Variants in LPP observed in about 807,000 individuals in gnomAD.
The protein encoded by LPP is LIM domain containing preferred translocation partner in lipoma, also known as lipoma-preferred partner.
In LPP, 38 loss-of-function variants were observed where a neutral mutation model predicts 60.4. The observed-to-expected ratio is 0.63, with a 90% confidence interval of 0.49 to 0.83. The LOEUF is 0.83. LPP is among the 40% of genes least tolerant of loss of function. The pLI is 0.00. For synonymous variants in LPP, 328 were observed against 290.8 expected (o/e 1.13, Z -1.30); for missense variants, 902 against 783.6 (o/e 1.15, Z -1.80).
chr3:188,761,298 A>G (rs1732255971), intron 9 of LPP, among the ~76,000 whole-genome samples: 2 of 152,200 alleles, frequency 1.3e-5, no homozygotes, highest in South Asian at 2.1e-4. Flanking sequence ...GTATTTTCCT[A>G]TAACTTGGCA....
At chr3:188,498,916 A>G (rs577014047) in intron 5 of LPP, among the ~76,000 whole-genome samples, 1 of 152,286 alleles carries the variant, frequency 6.6e-6, no homozygotes, top group East Asian at 1.9e-4. Flanking sequence ...TTGAGCATCT[A>G]TTCATGTATG....
rs576402662 is a variant in LPP, at chr3:188,220,725, A to G, written c.-189-4680A>G. Among the ~76,000 whole-genome samples, 4 of 152,312 alleles carry G rather than the reference A, an allele frequency of 2.6e-5. No homozygotes were observed. The South Asian group carries it at 8.3e-4, about 32-fold the overall frequency. Reference sequence around the variant, plus strand: ...GGCAGTTCACTGAAGGCAGAGTGGTAGTCCTGCTTGGAACGTGAAACTTTG... The same window carrying G: ...GGCAGTTCACTGAAGGCAGAGTGGTGGTCCTGCTTGGAACGTGAAACTTTG... On this transcript the variant is annotated intron_variant, in intron 1 of 11. Transcript: ENST00000617246.
intron 2 of LPP, among the ~76,000 whole-genome samples, chr3:188,250,722 CTCTCTTTCTT>C (rs1470858118): frequency 8.0e-5 from 11 of 137,110 alleles, no homozygotes; most frequent in East Asian, 2.3e-4. Flanking sequence ...TTCTTTCTTT[CTCTCTTTCTT>C]TCTTTCTTTC....
At chr3:188,636,746 G>A (rs1372927161) in intron 7 of LPP, among the ~76,000 whole-genome samples, 1 of 151,968 alleles carries the variant, frequency 6.6e-6, no homozygotes, top group African/African-American at 2.4e-5. Flanking sequence ...GTGGGTCCCT[G>A]ACCCCTGACC....
chr3:188,563,498 AT>A (rs34289498), intron 6 of LPP, among the ~76,000 whole-genome samples: 1 of 105,592 alleles, frequency 9.5e-6, no homozygotes, highest in Non-Finnish European at 2.0e-5. Context: ...TATATTATCT[AT>A]TTTTTTCAGT....
chr3:188,341,698 T>C lies in LPP; in HGVS notation c.-31T>C. 1 of 985,230 alleles carries C rather than the reference T, an allele frequency of 1.0e-6. No individual in the cohort carries two copies. The highest frequency in any genetic ancestry group is 1.2e-6 in the Non-Finnish European group (1 of 829,726). The allele number at this position is 985,230 out of a possible 1,614,324, so 61.0% of individuals were successfully genotyped here. On this transcript the variant is annotated 5_prime_UTR_variant, in exon 3 of 12. Coordinates refer to ENST00000617246, the MANE Select transcript of LPP (RefSeq NM_001375462.1). ...GGCTGAACCTTGTGTCAACCATCCA[T>C]TCCAGGAGCCAGCTATCTGAGGTAA... is the stretch of plus-strand genomic sequence containing the variant.
chr3:188,519,805 T>C (rs1205268445), intron 5 of LPP, among the ~76,000 whole-genome samples: 1 of 152,210 alleles, frequency 6.6e-6, no homozygotes, highest in Non-Finnish European at 1.5e-5. Context: ...TTTATTTTAA[T>C]AGTTGTTCAA....
chr3:188,560,320 G>A (rs1830384381), intron 6 of LPP, among the ~76,000 whole-genome samples: 1 of 152,038 alleles, frequency 6.6e-6, no homozygotes, highest in Non-Finnish European at 1.5e-5. Flanking sequence ...AGGGAAAATG[G>A]TCTGCAGTCA....
chr3:188,279,692 G>T (rs1741255150), intron 2 of LPP, among the ~76,000 whole-genome samples: 2 of 152,152 alleles, frequency 1.3e-5, no homozygotes, highest in Admixed American at 6.5e-5. Context: ...TATCTCACTG[G>T]TTCAACACAC....
chr3:188,211,499 G>A (rs77183381), intron 1 of LPP, among the ~76,000 whole-genome samples: 4 of 151,866 alleles, frequency 2.6e-5, no homozygotes, highest in African/African-American at 7.3e-5. Flanking sequence ...CCTATATCCC[G>A]ACACACCATT....
At chr3:188,370,721 G>A (rs928692204) in intron 3 of LPP, among the ~76,000 whole-genome samples, 3 of 152,098 alleles carry the variant, frequency 2.0e-5, no homozygotes, top group Admixed American at 6.5e-5. Context: ...CTCGTTGCCC[G>A]ACATGGGGCT....
chr3:188,722,851 C>T (rs959597174), intron 8 of LPP, among the ~76,000 whole-genome samples: 1 of 152,118 alleles, frequency 6.6e-6, no homozygotes, highest in Non-Finnish European at 1.5e-5. Context: ...GTTAGTATCT[C>T]CACCTAGTGC....
chr3:188,876,216 G>C lies in LPP; in HGVS notation c.*1737G>C, dbSNP rs1391857294. On this transcript the variant is annotated 3_prime_UTR_variant, in exon 12 of 12. Transcript: ENST00000617246. ...GTTTTGAATTGCAAACTATTCCTCAGGAATTCCAATTAAATTTATTTTACT... is the reference window on the plus strand; with the variant it reads ...GTTTTGAATTGCAAACTATTCCTCACGAATTCCAATTAAATTTATTTTACT... The C allele has an allele frequency of 5.4e-6, 1 of 186,032 alleles. No individual in the cohort carries two copies. The highest frequency in any genetic ancestry group is 2.3e-5 in the African/African-American group (1 of 42,606). The allele number at this position is 186,032 out of a possible 1,614,324, so 11.5% of individuals were successfully genotyped here.
intron 2 of LPP, among the ~76,000 whole-genome samples, chr3:188,252,059 TA>T (rs1560161145): frequency 2.0e-5 from 2 of 100,700 alleles, no homozygotes; most frequent in African/African-American, 8.8e-5. Flanking sequence ...TATATATATA[TA>T]TATATATATA....
chr3:188,781,617 C>T (rs1281213190), intron 9 of LPP, among the ~76,000 whole-genome samples: 1 of 151,832 alleles, frequency 6.6e-6, no homozygotes, highest in Non-Finnish European at 1.5e-5. Context: ...GGTGCGGTCG[C>T]TCACACCTGT....
Position 188,890,239 on chromosome 3 carries a change from T to A in LPP, c.*15760T>A, listed in dbSNP as rs1284511419. 4.7e-6 allele frequency: 1 copy of A among 214,700 alleles called. No individual in the cohort carries two copies. Among genetic ancestry groups the A allele is most frequent in the Non-Finnish European group, 9.4e-6 (1 of 106,402 alleles). The allele number at this position is 214,700 out of a possible 1,614,324, so 13.3% of individuals were successfully genotyped here. On this transcript the variant is annotated 3_prime_UTR_variant, in exon 12 of 12. Coordinates refer to ENST00000617246, the MANE Select transcript of LPP (RefSeq NM_001375462.1). ...TGATGAGCTGCTAGTCTGAATAACA[T>A]TCCCTGACTTAGGGAAAGGCACACA...
rs1779868035 is a variant in LPP, at chr3:188,392,180, G to A, written c.-9-13932G>A. On this transcript the variant is annotated intron_variant, in intron 3 of 11. Coordinates refer to ENST00000617246, the MANE Select transcript of LPP (RefSeq NM_001375462.1). ...TTCTATTACATCTCTACTTGTCAGTGTAGTTAATTATATAACAGAATGGAC... is the reference window on the plus strand; with the variant it reads ...TTCTATTACATCTCTACTTGTCAGTATAGTTAATTATATAACAGAATGGAC... 2.6e-5 allele frequency among the ~76,000 whole-genome samples: 4 copies of A among 152,296 alleles called. No individual in the cohort carries two copies. In the South Asian group the frequency reaches 8.3e-4, roughly 32 times the overall value.
At chr3:188,533,009 C>T (rs919394939) in intron 6 of LPP, among the ~76,000 whole-genome samples, 42 of 152,166 alleles carry the variant, frequency 2.8e-4, no homozygotes, top group African/African-American at 8.9e-4. Context: ...ATGGACACAT[C>T]GTTAGCTGCA....
At position 188,665,760 on chromosome 3, in the gene LPP, CA is replaced by C. The variant is rs1855660898; in HGVS notation, c.1114-42506del. 1.3e-5 allele frequency among the ~76,000 whole-genome samples: 2 copies of C among 152,318 alleles called. 1 individual carries two copies. The highest frequency in any genetic ancestry group is 4.8e-5 in the African/African-American group (2 of 41,572). On this transcript the variant is annotated intron_variant, in intron 7 of 11. Coordinates refer to ENST00000617246, the MANE Select transcript of LPP (RefSeq NM_001375462.1). ...ACAGGCATGAGCCACCTCGCCCGGC[CA>C]GCTAACATACTCTTTTGTTCCTAAA...
Sources: allele counts gnomAD v4.1 joint callset (sites outside exome capture counted in the v4.1 genomes callset), GRCh38; gene constraint gnomAD v4.1.1; transcripts MANE v1.5; gene names NCBI Gene and HGNC (gene_info 2026-07-23, HGNC 2026-07-21).